KMT2C: variants seen among roughly 807,000 people sequenced by gnomAD.
KMT2C encodes the protein lysine methyltransferase 2C.
A neutral mutation model predicts 507.9 loss-of-function variants in KMT2C; 88 were observed. The ratio of observed to expected loss-of-function variants is 0.17; its 90% CI spans 0.15 to 0.21. The LOEUF (loss-of-function observed/expected upper bound fraction) is 0.21, where lower values mean the gene tolerates loss of function less well. Ranked by LOEUF, KMT2C falls within the 10% of genes least tolerant of loss-of-function variation. The pLI, the probability that KMT2C is intolerant of heterozygous loss-of-function variation, is 1.00. For synonymous variants in KMT2C, 2,049 were observed against 2,080.8 expected, an observed-to-expected ratio of 0.98 and a Z score of 0.42; for missense variants, 4,954 against 5,957.8, an observed-to-expected ratio of 0.83 and a Z score of 5.55.
chr7:152,294,404 T>C (rs1201284116), intron 6 of KMT2C, among the ~76,000 whole-genome samples: 1 of 152,208 alleles, frequency 6.6e-6, no homozygotes, highest in Non-Finnish European at 1.5e-5. Flanking sequence ...AAGAAGTCAC[T>C]TGACATTAGC....
intron 36 of KMT2C, 77 bp from the exon 37 acceptor site, chr7:152,180,203 T>C (rs2129118574): frequency 6.8e-7 from 1 of 1,468,702 alleles, no homozygotes; most frequent in Non-Finnish European, 9.4e-7. Flanking sequence ...TTTTTATTTT[T>C]AGATATGGGA....
intron 1 of KMT2C, among the ~76,000 whole-genome samples, chr7:152,434,443 C>T (rs2097896498): frequency 6.6e-6 from 1 of 152,158 alleles, no homozygotes; most frequent in Non-Finnish European, 1.5e-5. Flanking sequence ...TCAGTTCACG[C>T]TACTATTTTT....
Position 152,163,201 on chromosome 7 carries a change from G to C in KMT2C, c.10376C>G (p.Pro3459Arg). 1 of 1,614,162 alleles carries C rather than the reference G, an allele frequency of 6.2e-7. No individual in the cohort carries two copies. The highest frequency in any genetic ancestry group is 1.3e-5 in the African/African-American group (1 of 75,030). Residue 3459 changes from proline to arginine, a missense_variant, in exon 43 of 59, where the codon CCT (proline) becomes CGT (arginine). Pro to Arg is a moderately radical substitution (Grantham distance 103, BLOSUM62 -2). Transcript: ENST00000262189. The stretch of plus-strand genomic sequence containing the variant: ...TCCTAGAGGTTGCATAAAATCACAA[G>C]GTAAGTCGGAACTGTAGAAGGGAAT... ...SQIPFYSSDL[P>R]CDFMQPLGPL...
chr7:152,253,930 G>A (rs2095604699), intron 9 of KMT2C, among the ~76,000 whole-genome samples: 1 of 152,074 alleles, frequency 6.6e-6, no homozygotes, highest in Non-Finnish European at 1.5e-5. Context: ...CTGGGTGTAA[G>A]GTTAATACAT....
At chr7:152,330,214 CTG>C (rs1373724336) in intron 3 of KMT2C, among the ~76,000 whole-genome samples, 1 of 151,622 alleles carries the variant, frequency 6.6e-6, no homozygotes, top group African/African-American at 2.4e-5. Context: ...TTATAATGTC[CTG>C]TGTTTCCTTT....
At chr7:152,251,492 AGACT>A (rs1307067685) in intron 11 of KMT2C, among the ~76,000 whole-genome samples, 3 of 152,194 alleles carry the variant, frequency 2.0e-5, no homozygotes, top group African/African-American at 7.2e-5. Flanking sequence ...TTACTCTCTA[AGACT>A]CATGTTTTTA....
At chr7:152,150,132 A>G (rs201804169) in intron 51 of KMT2C, among the ~76,000 whole-genome samples, 1 of 152,352 alleles carries the variant, frequency 6.6e-6, no homozygotes, top group Non-Finnish European at 1.5e-5. Flanking sequence ...CCTTCAAAAC[A>G]TGATTATAAA....
intron 15 of KMT2C, among the ~76,000 whole-genome samples, chr7:152,236,757 T>C (rs1303848263): frequency 6.6e-6 from 1 of 152,170 alleles, no homozygotes; most frequent in Non-Finnish European, 1.5e-5. Flanking sequence ...AGTGGTGTGA[T>C]CATAGCTCAC....
Position 152,209,452 on chromosome 7 carries a change from CT to C in KMT2C, c.3713-2025del, listed in dbSNP as rs1354505967. Reference sequence around the variant, plus strand: ...ACCCTGGGCGACAGCGGGACTCCGTCTCAAAAAAAAAAAAAAAAAAAATGAC... The same window carrying C: ...ACCCTGGGCGACAGCGGGACTCCGTCCAAAAAAAAAAAAAAAAAAAATGAC... On this transcript the variant is annotated intron_variant, in intron 23 of 58. Transcript: ENST00000262189. Among the ~76,000 whole-genome samples, 100 of 101,360 alleles carry C rather than the reference CT, an allele frequency of 9.9e-4. 5 individuals carry two copies. The South Asian group carries it at 0.033, about 33-fold the overall frequency. 66.5% of individuals were successfully genotyped at this position (101,360 alleles called of 152,430 possible).
At chr7:152,295,123 CT>C (rs2096477957) in intron 6 of KMT2C, among the ~76,000 whole-genome samples, 1 of 152,040 alleles carries the variant, frequency 6.6e-6, no homozygotes, top group African/African-American at 2.4e-5. Context: ...ACTATGCATT[CT>C]ATTACAATAT....
intron 1 of KMT2C, among the ~76,000 whole-genome samples, chr7:152,387,180 C>A (rs907054582): frequency 4.0e-5 from 6 of 151,748 alleles, no homozygotes; most frequent in African/African-American, 1.5e-4. Flanking sequence ...CCATGTAGTA[C>A]AAGTTTTAAC....
chr7:152,147,751 G>A (rs550388524), intron 52 of KMT2C, among the ~76,000 whole-genome samples: 1 of 148,186 alleles, frequency 6.7e-6, no homozygotes, highest in African/African-American at 2.5e-5. Context: ...GAAAAAGGAG[G>A]TCCCCAATGC....
chr7:152,284,964 G>C (rs2096272769), intron 6 of KMT2C, among the ~76,000 whole-genome samples: 1 of 152,096 alleles, frequency 6.6e-6, no homozygotes, highest in Non-Finnish European at 1.5e-5. Context: ...TCTAGAAACG[G>C]AGAAGTATAC....
chr7:152,185,428 A>G, intron 34 of KMT2C, 130 bp downstream of exon 34: 2 of 614,054 alleles, frequency 3.3e-6, no homozygotes, highest in East Asian at 2.8e-5. Flanking sequence ...CTTTAAAAAT[A>G]AAGTTGCTTG....
chr7:152,217,388 G>A (rs945801771), intron 23 of KMT2C, among the ~76,000 whole-genome samples: 11 of 152,082 alleles, frequency 7.2e-5, no homozygotes, highest in African/African-American at 2.7e-4. Context: ...TTTTAAAAGG[G>A]ATTTTTATTT....
rs781561015 is a variant in KMT2C at position 152,230,202 on chromosome 7, A to C, written c.2871+18T>G. The C allele has an allele frequency of 7.1e-7, 1 of 1,407,998 alleles. No homozygotes were observed. The highest frequency in any genetic ancestry group is 1.2e-5 in the South Asian group (1 of 83,078). The allele number at this position is 1,407,998 out of a possible 1,614,324, so 87.2% of individuals were successfully genotyped here. A position where few individuals can be genotyped will look rare whatever the true frequency, so the allele number is the denominator to read the frequency against. On this transcript the variant is annotated intron_variant, in intron 17 of 58. Coordinates refer to ENST00000262189, the MANE Select transcript of KMT2C (RefSeq NM_170606.3). ...GGAGGAATTCAATGAGGAAGACAGT[A>C]AATTGTCAAGTTCAAACCTGATTCA...
intron 3 of KMT2C, among the ~76,000 whole-genome samples, chr7:152,324,461 A>G (rs2096805693): frequency 6.6e-6 from 1 of 151,906 alleles, no homozygotes; most frequent in Admixed American, 6.5e-5. Flanking sequence ...ATCAAAAATA[A>G]CATTCAAAAA....
In KMT2C at chr7:152,163,251, ACTT is replaced by A. The variant is rs2092553103; in HGVS notation, c.10323_10325del (p.Ser3444del). ...TCTGGGACACAGATGTCCTACTACTACTTATCTCAGAGCCCACCATACCATGCT... is the reference window on the plus strand; with the variant it reads ...TCTGGGACACAGATGTCCTACTACTAATCTCAGAGCCCACCATACCATGCT... On this transcript the variant is annotated inframe_deletion, in exon 43 of 59. Transcript: ENST00000262189. 1 of 1,614,050 alleles carries A rather than the reference ACTT, an allele frequency of 6.2e-7. No individual in the cohort carries two copies. The highest frequency in any genetic ancestry group is 8.5e-7 in the Non-Finnish European group (1 of 1,180,002).
intron 48 of KMT2C, among the ~76,000 whole-genome samples, chr7:152,153,155 A>G (rs2091778253): frequency 6.6e-6 from 1 of 152,224 alleles, no homozygotes; most frequent in Admixed American, 6.5e-5. Flanking sequence ...ATTTATAAAC[A>G]GAAATCCTCA....
Sources: allele counts gnomAD v4.1 joint callset (sites outside exome capture counted in the v4.1 genomes callset), GRCh38; gene constraint gnomAD v4.1.1; transcripts MANE v1.5; gene names NCBI Gene and HGNC (gene_info 2026-07-23, HGNC 2026-07-21).